Variants in POLQ observed in about 807,000 individuals in gnomAD.
POLQ encodes the protein DNA polymerase theta, also known as epididymis secretory sperm binding protein.
Under a neutral mutation model 259.2 loss-of-function variants are expected in POLQ, and 233 were observed. The observed-to-expected ratio is 0.90, with a 90% CI of 0.81 to 1.00. POLQ has a LOEUF of 1.00. Ranked by LOEUF, POLQ falls within the 50% of genes least tolerant of loss-of-function variation. The pLI is 0.00. For synonymous variants in POLQ, 1,025 were observed against 1,048.8 expected (o/e 0.98, Z 0.44); for missense variants, 2,871 against 3,051.6 (o/e 0.94, Z 1.39).
intron 12 of POLQ, among the ~76,000 whole-genome samples, chr3:121,502,667 C>T (rs1285359095): frequency 6.6e-6 from 1 of 152,064 alleles, no homozygotes; most frequent in African/African-American, 2.4e-5. Flanking sequence ...AAAAAAAACA[C>T]AATCATAAAT....
intron 24 of POLQ, among the ~76,000 whole-genome samples, chr3:121,461,380 C>T (rs985967716): frequency 6.6e-6 from 1 of 152,144 alleles, no homozygotes; most frequent in African/African-American, 2.4e-5. Context: ...CAGCCAGGCA[C>T]AGTGTCTCAT....
chr3:121,533,844 C>T (rs1166431312), intron 5 of POLQ, among the ~76,000 whole-genome samples: 1 of 151,454 alleles, frequency 6.6e-6, no homozygotes, highest in Non-Finnish European at 1.5e-5. Flanking sequence ...ATTTACAGTT[C>T]CCTGATAACC....
Position 121,520,078 on chromosome 3 carries a change from T to A in POLQ, c.1261A>T (p.Thr421Ser), listed in dbSNP as rs750767742. 19 of 1,601,896 alleles carry A rather than the reference T, an allele frequency of 1.2e-5. No individual in the cohort carries two copies. The Admixed American group carries it at 1.3e-4, about 11-fold the overall frequency. The change falls in exon 9 of 30, where the codon ACT becomes TCT. Residue 421 changes from threonine to serine, a missense_variant. Physicochemically the swap from Thr to Ser is moderately conservative, Grantham distance 58 (BLOSUM62 1). Around this residue, in one of 3 missense-constraint regions of POLQ, gnomAD observed 783 missense variants for 906.2 expected, o/e 0.86. Coordinates refer to ENST00000264233, the MANE Select transcript of POLQ (RefSeq NM_199420.4). ...WGVAFHHAGL[T>S]FEERDIIEGA... ...TCAATGATATCCCTCTCCTCAAAAG[T>A]AAGACCTAAAAAAAGGAGGTTTTTA...
At chr3:121,434,073 G>T (rs2047523869) in intron 28 of POLQ, among the ~76,000 whole-genome samples, 1 of 152,182 alleles carries the variant, frequency 6.6e-6, no homozygotes, top group Non-Finnish European at 1.5e-5. Flanking sequence ...AGCCACACTT[G>T]GCTCACACCA....
chr3:121,456,516 A>C (rs990906442), intron 25 of POLQ, among the ~76,000 whole-genome samples: 2 of 152,244 alleles, frequency 1.3e-5, no homozygotes, highest in Non-Finnish European at 2.9e-5. Flanking sequence ...CCTTAAGCTC[A>C]TGAGCAACTT....
At chr3:121,496,208 G>A (rs1048497458) in intron 14 of POLQ, among the ~76,000 whole-genome samples, 3 of 137,184 alleles carry the variant, frequency 2.2e-5, no homozygotes, top group African/African-American at 8.3e-5. Context: ...ACAGAGTCTC[G>A]CTCTGTCACC....
chr3:121,494,740 CA>C, intron 14 of POLQ: 1 of 1,554,218 alleles, frequency 6.4e-7, no homozygotes, highest in Non-Finnish European at 8.8e-7. Context: ...ACTCGGAAGA[CA>C]AAGGCACTTT....
chr3:121,544,779 T>TG lies in POLQ; in HGVS notation c.290dup (p.Glu98ArgfsTer54), dbSNP rs2048517488. ...GGACTTGTCCAAGCAAAAGGCACTCTGCCTGCCATTCAAACATCTTTTTTA... is the reference window on the plus strand; with the variant it reads ...GGACTTGTCCAAGCAAAAGGCACTCTGGCCTGCCATTCAAACATCTTTTTTA... On this transcript the variant is annotated frameshift_variant, in exon 2 of 30. Coordinates refer to ENST00000264233, the MANE Select transcript of POLQ (RefSeq NM_199420.4). LOFTEE classifies it high-confidence loss of function. The TG allele has an allele frequency of 1.2e-6, 2 of 1,613,690 alleles. No individual in the cohort carries two copies. Among genetic ancestry groups the TG allele is most frequent in the East Asian group, 4.5e-5 (2 of 44,864 alleles).
chr3:121,432,503 TG>T, intron 29 of POLQ, 86 bp from the exon 30 acceptor site: 3 of 1,401,792 alleles, frequency 2.1e-6, no homozygotes, highest in Non-Finnish European at 2.9e-6. Context: ...TAAACCAGAC[TG>T]GAGCTCTTCA....
intron 12 of POLQ, among the ~76,000 whole-genome samples, chr3:121,500,891 G>T (rs1177828721): frequency 6.6e-6 from 1 of 152,200 alleles, no homozygotes; most frequent in African/African-American, 2.4e-5. Context: ...AAGAAGGCCA[G>T]TGAGATGACA....
In POLQ at chr3:121,503,365, AC is replaced by A. The variant is rs563458259; in HGVS notation, c.1960-4696del. ...AAAGATGCAATTCTCAGAATGTATC[AC>A]TGTCCTTAAGCAATAATGACTATAC... is the stretch of plus-strand genomic sequence containing the variant. On this transcript the variant is annotated intron_variant, in intron 12 of 29. Transcript: ENST00000264233. 9.8e-5 allele frequency among the ~76,000 whole-genome samples: 15 copies of A among 152,338 alleles called. No individual in the cohort carries two copies. In the East Asian group the frequency reaches 2.9e-3, roughly 29 times the overall value.
chr3:121,478,075 C>G (rs2047941148), intron 19 of POLQ, among the ~76,000 whole-genome samples: 1 of 152,030 alleles, frequency 6.6e-6, no homozygotes, highest in South Asian at 2.1e-4. Flanking sequence ...TAGGAAGGAG[C>G]AAGGTCGTTA....
At chr3:121,481,911 T>C in intron 18 of POLQ, 99 bp from the exon 19 acceptor site, 1 of 1,029,768 alleles carries the variant, frequency 9.7e-7, no homozygotes. Flanking sequence ...ATTTCTAACC[T>C]CACTCATTTT....
intron 24 of POLQ, among the ~76,000 whole-genome samples, chr3:121,463,975 G>A (rs1286621874): frequency 1.3e-5 from 2 of 152,086 alleles, no homozygotes; most frequent in Non-Finnish European, 2.9e-5. Flanking sequence ...TAACAATCTT[G>A]TATACTCTGT....
rs1016223981 is a variant in POLQ at position 121,439,854 on chromosome 3, A to G, written c.7389+138T>C. The G allele has an allele frequency of 7.3e-5, 53 of 724,962 alleles. No individual in the cohort carries two copies. In the African/African-American group the frequency reaches 8.3e-4, roughly 11 times the overall value. 44.9% of individuals were successfully genotyped at this position (724,962 alleles called of 1,614,324 possible). A position where few individuals can be genotyped will look rare whatever the true frequency, so the allele number is the denominator to read the frequency against. On this transcript the variant is annotated intron_variant, in intron 27 of 29. Coordinates refer to ENST00000264233, the MANE Select transcript of POLQ (RefSeq NM_199420.4). ...ACTTCAGAAGTCCTTAATGAAACCA[A>G]TGGTTGACGTTGTCTATACAGAAAA...
chr3:121,463,924 T>C (rs1344145094), intron 24 of POLQ, among the ~76,000 whole-genome samples: 1 of 152,188 alleles, frequency 6.6e-6, no homozygotes. Context: ...TGCTGAGTCA[T>C]CACCAACTTA....
chr3:121,512,465 C>A (rs553143707), intron 9 of POLQ, among the ~76,000 whole-genome samples: 169 of 152,206 alleles, frequency 1.1e-3, no homozygotes, highest in African/African-American at 3.9e-3. Flanking sequence ...ATTAGTTTGC[C>A]CCATATATTT....
intron 25 of POLQ, among the ~76,000 whole-genome samples, chr3:121,458,606 T>G (rs1319257045): frequency 6.6e-6 from 1 of 152,228 alleles, no homozygotes; most frequent in Non-Finnish European, 1.5e-5. Context: ...CTATTTTACC[T>G]AGGGTTTGAT....
intron 5 of POLQ, among the ~76,000 whole-genome samples, chr3:121,534,424 G>T (rs1015503306): frequency 6.6e-5 from 10 of 151,826 alleles, no homozygotes; most frequent in Non-Finnish European, 1.3e-4. Flanking sequence ...CTACCTCCAG[G>T]GTTCAAGTGA....
Sources: allele counts gnomAD v4.1 joint callset (sites outside exome capture counted in the v4.1 genomes callset), GRCh38; gene constraint gnomAD v4.1.1; regional missense constraint gnomAD v4.1.1; transcripts MANE v1.5; gene names NCBI Gene and HGNC (gene_info 2026-07-23, HGNC 2026-07-21).